The following LRRC37A variants were observed in gnomAD, a reference collection of about 807,000 sequenced individuals.
The protein encoded by LRRC37A is leucine rich repeat containing 37A.
Under a neutral mutation model 35.4 loss-of-function variants are expected in LRRC37A, and 3 were observed. The ratio of observed to expected loss-of-function variants is 0.08; its 90% confidence interval spans 0.04 to 0.22. The LOEUF is 0.22. Ranked by LOEUF, LRRC37A falls within the 10% of genes least tolerant of loss-of-function variation. LRRC37A has a pLI of 1.00. For synonymous variants in LRRC37A, 23 were observed against 215.0 expected (o/e 0.11, Z 7.81); for missense variants, 67 against 565.3 (o/e 0.12, Z 8.94).
chr17:46,276,790 C>CTTTTTTTTTTTTTTTTT, the LRRC37A span, among the ~76,000 whole-genome samples: 28 of 134,270 alleles, frequency 2.1e-4, no homozygotes, highest in Non-Finnish European at 3.1e-4. Context: ...TTCTTTTTTT[C>CTTTTTTTTTTTTTTTTT]TTTTTTTTTT....
chr17:46,259,144 A>C, the LRRC37A span, among the ~76,000 whole-genome samples: 1 of 148,720 alleles, frequency 6.7e-6, no homozygotes, highest in Non-Finnish European at 1.5e-5. Context: ...GGTGGAGGCA[A>C]AGGGCAGAAT....
chr17:46,265,335 CTCT>C, the LRRC37A span, among the ~76,000 whole-genome samples: 7,171 of 108,928 alleles, frequency 0.066, 881 homozygotes, highest in East Asian at 0.43. Flanking sequence ...TTTTTTTCTC[CTCT>C]TCTTCTTCTT....
At chr17:46,268,753 C>A in the LRRC37A span, 1 of 1,226,578 alleles carries the variant, frequency 8.2e-7, no homozygotes, top group Non-Finnish European at 1.1e-6. Flanking sequence ...CATGAAAGGT[C>A]TATCTTCATG....
At chr17:46,274,393 T>C in the LRRC37A span, among the ~76,000 whole-genome samples, 1 of 152,232 alleles carries the variant, frequency 6.6e-6, no homozygotes, top group African/African-American at 2.4e-5. Flanking sequence ...CAGGACCACT[T>C]AGCCCAACCT....
chr17:46,287,553 T>C, the LRRC37A span, among the ~76,000 whole-genome samples: 20 of 152,264 alleles, frequency 1.3e-4, no homozygotes, highest in Non-Finnish European at 5.9e-5. Context: ...AGCAATTCAA[T>C]CTCTACCAGG....
At chr17:46,264,243 T>C in the LRRC37A span, among the ~76,000 whole-genome samples, 19,386 of 151,640 alleles carry the variant, frequency 0.13, no homozygotes, top group Middle Eastern at 0.2. Context: ...GAATTACATG[T>C]GTGAGCCACT....
At chr17:46,285,530 C>T in the LRRC37A span, among the ~76,000 whole-genome samples, 3 of 152,168 alleles carry the variant, frequency 2.0e-5, no homozygotes, top group African/African-American at 7.2e-5. Context: ...TGTGAGCCCC[C>T]GTACCCAGCC....
At chr17:46,265,619 A>T in the LRRC37A span, among the ~76,000 whole-genome samples, 1 of 2,382 alleles carries the variant, frequency 4.2e-4, no homozygotes, top group South Asian at 0.25. Flanking sequence ...GCTGGGACCA[A>T]GGCGTGAGCT....
chr17:46,268,208 G>A, the LRRC37A span, among the ~76,000 whole-genome samples: 1 of 152,160 alleles, frequency 6.6e-6, no homozygotes, highest in African/African-American at 2.4e-5. Context: ...TAGTACAGAT[G>A]GGGTTTCACC....
the LRRC37A span, among the ~76,000 whole-genome samples, chr17:46,277,771 C>T: frequency 1.9e-4 from 28 of 151,164 alleles, 1 homozygote; most frequent in Non-Finnish European, 1.0e-4. Context: ...CTCAGCCTCC[C>T]GAGTAGCTGG....
At chr17:46,248,086 G>T in the LRRC37A span, among the ~76,000 whole-genome samples, 2 of 151,876 alleles carry the variant, frequency 1.3e-5, no homozygotes, top group Non-Finnish European at 2.9e-5. Context: ...CTTCTTCAGA[G>T]ACGTGGGAAC....
chr17:46,254,649 C>T, the LRRC37A span, among the ~76,000 whole-genome samples: 2 of 151,674 alleles, frequency 1.3e-5, no homozygotes, highest in African/African-American at 2.4e-5. Context: ...TGAAGCGATT[C>T]TCCTGTCTCA....
the LRRC37A span, among the ~76,000 whole-genome samples, chr17:46,262,714 G>A: frequency 3.3e-5 from 5 of 151,972 alleles, no homozygotes; most frequent in Non-Finnish European, 7.4e-5. Flanking sequence ...TGAACCGGGA[G>A]GCGGAGGTTG....
chr17:46,278,653 C>T, the LRRC37A span, among the ~76,000 whole-genome samples: 8 of 152,088 alleles, frequency 5.3e-5, no homozygotes, highest in African/African-American at 1.2e-4. Context: ...ACACCCGCCT[C>T]GGCCTCCCAA....
At chr17:46,317,088 G>T (rs1208000612) in intron 5 of LRRC37A, among the ~76,000 whole-genome samples, 5 of 83,974 alleles carry the variant, frequency 6.0e-5, no homozygotes, top group African/African-American at 1.5e-4. Context: ...CAACAAAACC[G>T]CCATTGTCAT....
the LRRC37A span, among the ~76,000 whole-genome samples, chr17:46,259,015 GCCTATTTTTTTTTTTTTT>G: frequency 2.6e-4 from 16 of 61,098 alleles, no homozygotes; most frequent in Admixed American, 9.7e-4. Context: ...ACCGCACCCG[GCCTATTTTTTTTTTTTTT>G]TTTTTTTTTT....
At chr17:46,276,047 C>T in the LRRC37A span, among the ~76,000 whole-genome samples, 15,477 of 143,700 alleles carry the variant, frequency 0.11, 1 homozygote, top group Middle Eastern at 0.17. Context: ...CCTGCCACCA[C>T]ACCCGGCTAA....
chr17:46,273,377 G>A, the LRRC37A span, among the ~76,000 whole-genome samples: 1 of 152,166 alleles, frequency 6.6e-6, no homozygotes, highest in South Asian at 2.1e-4. Context: ...TGTAAACATA[G>A]GTTTAAGTGA....
At chr17:46,278,819 C>T in the LRRC37A span, among the ~76,000 whole-genome samples, 2 of 151,380 alleles carry the variant, frequency 1.3e-5, no homozygotes, top group Non-Finnish European at 2.9e-5. Flanking sequence ...TTTTTTGACA[C>T]GGAATTTTGC....
Sources: allele counts gnomAD v4.1 joint callset (sites outside exome capture counted in the v4.1 genomes callset), GRCh38; gene constraint gnomAD v4.1.1; transcripts MANE v1.5; gene names NCBI Gene and HGNC (gene_info 2026-07-23, HGNC 2026-07-21).